STIL: variants seen among roughly 807,000 people sequenced by gnomAD.
STIL encodes SCL-interrupting locus protein.
In STIL, 55 loss-of-function variants were observed where a neutral mutation model predicts 110.1. The observed-to-expected ratio is 0.50, with a 90% confidence interval of 0.40 to 0.63. The LOEUF (loss-of-function observed/expected upper bound fraction) is 0.63. STIL is among the 20% of genes least tolerant of loss of function. STIL has a pLI of 0.00. For synonymous variants in STIL, 481 were observed against 530.0 expected, an observed-to-expected ratio of 0.91 and a Z score of 1.27; for missense variants, 1,358 against 1,530.0, an observed-to-expected ratio of 0.89 and a Z score of 1.87.
intron 14 of STIL, among the ~76,000 whole-genome samples, chr1:47,263,964 G>A (rs867236442): frequency 6.6e-6 from 1 of 151,928 alleles, no homozygotes. Flanking sequence ...TGTTGGCCAG[G>A]CTGGTCTCGA....
At chr1:47,270,242 ATATATATAT>A (rs1337499820) in intron 13 of STIL, among the ~76,000 whole-genome samples, 8 of 87,668 alleles carry the variant, frequency 9.1e-5, no homozygotes, top group African/African-American at 4.5e-4. Flanking sequence ...AAAAAAAAAA[ATATATATAT>A]ATATACACAC....
intron 3 of STIL, among the ~76,000 whole-genome samples, chr1:47,302,875 T>C (rs1645846732): frequency 6.6e-6 from 1 of 152,098 alleles, no homozygotes; most frequent in South Asian, 2.1e-4. Context: ...ATTTTAACAG[T>C]ATACTGTAAA....
At position 47,302,481 on chromosome 1, in the gene STIL, G is replaced by A. The variant is rs186155171; in HGVS notation, c.153-135C>T. On this transcript the variant is annotated intron_variant, in intron 3 of 16. Coordinates refer to ENST00000371877, the MANE Select transcript of STIL (RefSeq NM_001048166.1). ...AAGATCATTGTCAGGAAATCCCAGG[G>A]TCAAAGGCAGGGGATACGGAGGGCC... 44 of 760,790 alleles carry A rather than the reference G, an allele frequency of 5.8e-5. No homozygotes were observed. In the Admixed American group the frequency reaches 7.9e-4, roughly 14 times the overall value. The allele number at this position is 760,790 out of a possible 1,614,324, so 47.1% of individuals were successfully genotyped here. A position where few individuals can be genotyped will look rare whatever the true frequency, so the allele number is the denominator to read the frequency against.
Position 47,282,396 on chromosome 1 carries a change from A to G in STIL, c.1197T>C (p.Asp399=). The G allele has an allele frequency of 6.2e-7, 1 of 1,613,344 alleles. No homozygotes were observed. Among genetic ancestry groups the G allele is most frequent in the Non-Finnish European group, 8.5e-7 (1 of 1,179,768 alleles). Residue 399 remains aspartate, a synonymous_variant, in exon 11 of 17, where the codon GAT becomes GAC. Coordinates refer to ENST00000371877, the MANE Select transcript of STIL (RefSeq NM_001048166.1). ...GAATTGGTCTTGGAGAAAAATCTTCATCTTCAACACCAGAGTCGTGATCAT... is the reference window on the plus strand; with the variant it reads ...GAATTGGTCTTGGAGAAAAATCTTCGTCTTCAACACCAGAGTCGTGATCAT... The part of the protein sequence containing the change: ...PIHDHDSGVE[D]EDFSPRPIPS...
rs751067905 is a variant in STIL, at chr1:47,251,607, G to A, written c.3396C>T (p.Ser1132=). The A allele has an allele frequency of 1.2e-6, 2 of 1,613,940 alleles. No homozygotes were observed. Among genetic ancestry groups the A allele is most frequent in the South Asian group, 2.2e-5 (2 of 91,028 alleles). Residue 1132 remains serine, a synonymous_variant, in exon 17 of 17, where the codon AGC becomes AGT. Coordinates refer to ENST00000371877, the MANE Select transcript of STIL (RefSeq NM_001048166.1). ...CCTCTTCATCTTCACTATTGTCACTGCTTTGTAGGAGTCCATATCTCTTCA... is the reference window on the plus strand; with the variant it reads ...CCTCTTCATCTTCACTATTGTCACTACTTTGTAGGAGTCCATATCTCTTCA... ...KYMKRYGLLQ[S]SDNSEDEEEP...
In STIL at chr1:47,279,705, C is replaced by A. The variant is rs554476876; in HGVS notation, c.2217+536G>T. ...GATCATGCCCCTGCACTCCAGCCTGCGCAACAGAAGAGACTCCGTCTCAAA... is the reference window on the plus strand; with the variant it reads ...GATCATGCCCCTGCACTCCAGCCTGAGCAACAGAAGAGACTCCGTCTCAAA... On this transcript the variant is annotated intron_variant, in intron 12 of 16. Transcript: ENST00000371877. Among the ~76,000 whole-genome samples, 5 of 132,654 alleles carry A rather than the reference C, an allele frequency of 3.8e-5. No individual in the cohort carries two copies. In the South Asian group the frequency reaches 1.2e-3, roughly 31 times the overall value. The allele number at this position is 132,654 out of a possible 152,430, so 87.0% of individuals were successfully genotyped here. A position where few individuals can be genotyped will look rare whatever the true frequency, so the allele number is the denominator to read the frequency against.
At chr1:47,288,724 C>A (rs1259537682) in intron 9 of STIL, among the ~76,000 whole-genome samples, 2 of 151,642 alleles carry the variant, frequency 1.3e-5, no homozygotes, top group Middle Eastern at 3.4e-3. Flanking sequence ...GTATAAAAAA[C>A]CATTTCTTAT....
chr1:47,263,452 G>A (rs1644540539), intron 14 of STIL, among the ~76,000 whole-genome samples: 1 of 152,210 alleles, frequency 6.6e-6, no homozygotes, highest in African/African-American at 2.4e-5. Flanking sequence ...GGCTGAGCAA[G>A]AGGATCACTT....
At position 47,251,731 on chromosome 1, in the gene STIL, C is replaced by A. The variant is rs1644188818; in HGVS notation, c.3272G>T (p.Cys1091Phe). ...LSVTRSNQNN[C>F]DPFSLLHINT... ...AATATGGAGAAGGCTGAATGGGTCA[C>A]AATTATTTTGGTTCGATCGAGTGAC... is the stretch of plus-strand genomic sequence containing the variant. The change falls in exon 17 of 17, where the codon TGT (cysteine) becomes TTT (phenylalanine). Residue 1091 changes from cysteine to phenylalanine, a missense_variant. By Grantham distance (205) the Cys-to-Phe change is radical. Coordinates refer to ENST00000371877, the MANE Select transcript of STIL (RefSeq NM_001048166.1). 1.2e-6 allele frequency: 2 copies of A among 1,614,150 alleles called. No individual in the cohort carries two copies. The highest frequency in any genetic ancestry group is 1.7e-6 in the Non-Finnish European group (2 of 1,180,034).
At chr1:47,304,542 A>G (rs1337196031) in intron 3 of STIL, among the ~76,000 whole-genome samples, 1 of 152,242 alleles carries the variant, frequency 6.6e-6, no homozygotes, top group Non-Finnish European at 1.5e-5. Flanking sequence ...ACAAGATTTT[A>G]TATTCCTTCT....
intron 8 of STIL, 137 bp from the exon 9 acceptor site, chr1:47,289,722 A>G (rs1328108646): frequency 2.5e-6 from 2 of 790,124 alleles, no homozygotes; most frequent in East Asian, 5.4e-5. Flanking sequence ...GGGGTCCACC[A>G]CTTAGGAAGG....
chr1:47,293,440 G>A lies in STIL; in HGVS notation c.872+18C>T, dbSNP rs1171238625. ...GAAAGGATCGAAATAAAGTACTACA[G>A]AATAAAATATCACTTGCCTTTCTTG... is the stretch of plus-strand genomic sequence containing the variant. On this transcript the variant is annotated intron_variant, in intron 8 of 16. Transcript: ENST00000371877. 2 of 1,599,860 alleles carry A rather than the reference G, an allele frequency of 1.3e-6. No individual in the cohort carries two copies. The highest frequency in any genetic ancestry group is 3.3e-5 in the Admixed American group (2 of 59,956).
intron 6 of STIL, among the ~76,000 whole-genome samples, chr1:47,299,308 C>T (rs1645733473): frequency 6.6e-6 from 1 of 151,716 alleles, no homozygotes; most frequent in Non-Finnish European, 1.5e-5. Context: ...GATCCCACCA[C>T]TGCACTCCAG....
intron 8 of STIL, 49 bp from the exon 9 acceptor site, chr1:47,289,634 G>A: frequency 6.6e-7 from 1 of 1,514,460 alleles, no homozygotes; most frequent in Non-Finnish European, 9.2e-7. Flanking sequence ...ATAACATGAT[G>A]ACACTCAAAT....
intron 10 of STIL, among the ~76,000 whole-genome samples, chr1:47,284,262 C>T (rs192515567): frequency 2.1e-3 from 325 of 152,266 alleles, no homozygotes; most frequent in African/African-American, 7.5e-3. Context: ...ATAGTTATAA[C>T]AACAGTACTT....
intron 2 of STIL, among the ~76,000 whole-genome samples, chr1:47,305,475 C>G (rs1183222440): frequency 6.6e-6 from 1 of 152,122 alleles, no homozygotes; most frequent in East Asian, 1.9e-4. Flanking sequence ...GTCGCCCAGG[C>G]TGGAGTACTG....
intron 7 of STIL, among the ~76,000 whole-genome samples, 173 bp from the exon 8 acceptor site, chr1:47,293,717 C>T (rs1021405128): frequency 1.3e-5 from 2 of 151,742 alleles, no homozygotes; most frequent in South Asian, 2.1e-4. Context: ...AATATATAGA[C>T]ATTTGTATAT....
Position 47,300,047 on chromosome 1 carries a change from C to A in STIL, c.559G>T (p.Asp187Tyr). ...SRESLDSVEF[D>Y]LHWAAVTLAN... The stretch of plus-strand genomic sequence containing the variant: ...AGAGTTACTGCTGCCCAATGCAAGT[C>A]AAATTCCACACTGTCCAAACTCTCC... Residue 187 changes from aspartate (D) to tyrosine (Y), a missense_variant, in exon 6 of 17, where the codon GAC becomes TAC. Physicochemically the swap from Asp to Tyr is radical, Grantham distance 160 (BLOSUM62 -3). Transcript: ENST00000371877. The A allele has an allele frequency of 6.2e-7, 1 of 1,614,116 alleles. No homozygotes were observed. Among genetic ancestry groups the A allele is most frequent in the Non-Finnish European group, 8.5e-7 (1 of 1,180,018 alleles).
In STIL at chr1:47,277,358, C is replaced by T. The variant is rs906790373; in HGVS notation, c.2217+2883G>A. On this transcript the variant is annotated intron_variant, in intron 12 of 16. Transcript: ENST00000371877. ...GAAAGACAAGCCAAGTCATAAAGGG[C>T]TTTAAGGGCCAAGGTAAAGCATTTG... 8.5e-5 allele frequency among the ~76,000 whole-genome samples: 13 copies of T among 152,214 alleles called. No individual in the cohort carries two copies. In the East Asian group the frequency reaches 2.5e-3, roughly 29 times the overall value.
Sources: allele counts gnomAD v4.1 joint callset (sites outside exome capture counted in the v4.1 genomes callset), GRCh38; gene constraint gnomAD v4.1.1; transcripts MANE v1.5; gene names NCBI Gene and HGNC (gene_info 2026-07-23, HGNC 2026-07-21).